Variants in KCNQ1 observed in about 807,000 individuals in gnomAD.
KCNQ1 encodes potassium voltage-gated channel subfamily Q member 1.
A neutral mutation model predicts 72.4 loss-of-function variants in KCNQ1; 49 were observed. That is an observed-to-expected ratio of 0.68 (90% CI 0.54 to 0.86). The LOEUF is 0.86. Among genes scored for constraint, KCNQ1 ranks in the 40% least tolerant of loss-of-function variants. The pLI is 0.00. For synonymous variants in KCNQ1, 450 were observed against 412.6 expected, an observed-to-expected ratio of 1.09 and a Z score of -1.10; for missense variants, 790 against 945.1, an observed-to-expected ratio of 0.84 and a Z score of 2.15.
intron 8 of KCNQ1, among the ~76,000 whole-genome samples, 179 bp downstream of exon 8, chr11:2,585,486 T>C (rs1371248936): frequency 6.6e-6 from 1 of 152,232 alleles, no homozygotes; most frequent in East Asian, 1.9e-4. Context: ...CACGGGGCAT[T>C]GGAGCCTGTC....
At chr11:2,630,347 TA>T (rs1043507545) in intron 10 of KCNQ1, 122 of 398,244 alleles carry the variant, frequency 3.1e-4, no homozygotes, top group African/African-American at 1.9e-3. Flanking sequence ...TGTATAGTCA[TA>T]AAAAAATATC....
Position 2,659,226 on chromosome 11 carries a change from C to A in KCNQ1, c.1394-2735C>A. Reference sequence around the variant, plus strand: ...GTATCATTCACAGAAGTTCCATACCCCTAAAAATACCCTGGGGTGAGTCTT... The same window carrying A: ...GTATCATTCACAGAAGTTCCATACCACTAAAAATACCCTGGGGTGAGTCTT... On this transcript the variant is annotated intron_variant, in intron 10 of 15. Transcript: ENST00000155840. This position sits in a 1 kb window ranked among gnomAD's most constrained non-coding sequence, Gnocchi z 4.3. 1 of 398,616 alleles carries A rather than the reference C, an allele frequency of 2.5e-6. No homozygotes were observed. The highest frequency in any genetic ancestry group is 1.3e-4 in the South Asian group (1 of 7,854). 24.7% of individuals were successfully genotyped at this position (398,616 alleles called of 1,614,324 possible).
At position 2,762,313 on chromosome 11, in the gene KCNQ1, C is replaced by T. The variant is rs559394334; in HGVS notation, c.1515-6531C>T. On this transcript the variant is annotated intron_variant, in intron 11 of 15. Transcript: ENST00000155840. The surrounding 1 kb of genome is among the most constrained non-coding windows in gnomAD (Gnocchi z 4.3). ...CCATCCCAGGTCGTGAAAATATTAT[C>T]CAACTTTCTTCGACAGGCCCGATTG... Among the ~76,000 whole-genome samples the T allele has an allele frequency of 2.2e-4, 33 of 152,306 alleles. No homozygotes were observed. Among genetic ancestry groups the T allele is most frequent in the African/African-American group, 7.0e-4 (29 of 41,544 alleles).
chr11:2,567,563 T>C lies in KCNQ1; in HGVS notation c.478-3065T>C, dbSNP rs1022878000. Among the ~76,000 whole-genome samples the C allele has an allele frequency of 1.3e-5, 2 of 152,212 alleles. No individual in the cohort carries two copies. The highest frequency in any genetic ancestry group is 3.8e-4 in the East Asian group (2 of 5,198). On this transcript the variant is annotated intron_variant, in intron 2 of 15. Transcript: ENST00000155840. The surrounding 1 kb of genome is among the most constrained non-coding windows in gnomAD (Gnocchi z 6.6). ...TGATGGTGGTGGAGATAGTTTTATC[T>C]CTGAGCAAACATTCCATCTTGCTGT...
At chr11:2,689,611 G>C in intron 11 of KCNQ1, 2 of 398,676 alleles carry the variant, frequency 5.0e-6, no homozygotes, top group South Asian at 2.5e-4. Flanking sequence ...AAGGATCCGG[G>C]TATTTTAGGA....
chr11:2,649,611 CA>C, intron 10 of KCNQ1: 1 of 398,564 alleles, frequency 2.5e-6, no homozygotes, highest in South Asian at 1.3e-4. Context: ...CACCTTGCAG[CA>C]CTTTTAATAT....
In KCNQ1 at chr11:2,595,859, T is replaced by C. The variant is rs138162642; in HGVS notation, c.1393+7005T>C. Among the ~76,000 whole-genome samples, 300 of 152,294 alleles carry C rather than the reference T, an allele frequency of 2.0e-3. No individual in the cohort carries two copies. The highest frequency in any genetic ancestry group is 7.0e-3 in the African/African-American group (293 of 41,562). On this transcript the variant is annotated intron_variant, in intron 10 of 15. Coordinates refer to ENST00000155840, the MANE Select transcript of KCNQ1 (RefSeq NM_000218.3). This position sits in a 1 kb window ranked among gnomAD's most constrained non-coding sequence, Gnocchi z 5.0. ...CTTTGATGAATCTGGGCAAAGTAAA[T>C]TGAAAACATTTTAGAAAATAATCAC...
intron 10 of KCNQ1, chr11:2,640,535 C>T (rs1360702436): frequency 7.6e-6 from 3 of 395,750 alleles, no homozygotes; most frequent in African/African-American, 6.3e-5. Context: ...ATCCTTCTGC[C>T]TTGGCCCCCC....
At position 2,785,078 on chromosome 11, in the gene KCNQ1, C is replaced by T. The variant is rs1186458451; in HGVS notation, c.1794+7041C>T. Among the ~76,000 whole-genome samples the T allele has an allele frequency of 6.6e-6, 1 of 152,028 alleles. No homozygotes were observed. The highest frequency in any genetic ancestry group is 6.5e-5 in the Admixed American group (1 of 15,274). Reference sequence around the variant, plus strand: ...AAAATATTGACTAGAAGTGCTAGAGCAGATCTTCTGGGGAAAATCATTCAA... The same window carrying T: ...AAAATATTGACTAGAAGTGCTAGAGTAGATCTTCTGGGGAAAATCATTCAA... On this transcript the variant is annotated intron_variant, in intron 15 of 15. Transcript: ENST00000155840. This position sits in a 1 kb window ranked among gnomAD's most constrained non-coding sequence, Gnocchi z 4.4.
intron 10 of KCNQ1, among the ~76,000 whole-genome samples, chr11:2,591,428 G>A (rs1164442560): frequency 5.9e-5 from 9 of 152,224 alleles, no homozygotes; most frequent in Non-Finnish European, 1.2e-4. Flanking sequence ...ACGTGCTCCC[G>A]CCTGCCCGCT....
intron 1 of KCNQ1, among the ~76,000 whole-genome samples, chr11:2,454,042 T>C (rs1846150053): frequency 6.6e-6 from 1 of 152,136 alleles, no homozygotes. Context: ...AGTGCTTAGA[T>C]TACAGGTATG....
chr11:2,796,555 G>T (rs1055244589), intron 15 of KCNQ1, among the ~76,000 whole-genome samples: 3 of 152,292 alleles, frequency 2.0e-5, no homozygotes, highest in South Asian at 4.1e-4. Context: ...CTCACACCCC[G>T]ACACACCCTC....
At chr11:2,788,373 A>C (rs192695982) in intron 15 of KCNQ1, among the ~76,000 whole-genome samples, 1 of 152,346 alleles carries the variant, frequency 6.6e-6, no homozygotes, top group African/African-American at 2.4e-5. Flanking sequence ...GGTGCTGCTC[A>C]GCAGACTGTG....
chr11:2,618,817 G>A, intron 10 of KCNQ1: 1 of 398,270 alleles, frequency 2.5e-6, no homozygotes, highest in Non-Finnish European at 4.4e-6. Context: ...ATGAGCATGG[G>A]ATATCTTTCC....
Position 2,772,497 on chromosome 11 carries a change from C to T in KCNQ1, c.1591-3463C>T, listed in dbSNP as rs961533606. 7.2e-5 allele frequency among the ~76,000 whole-genome samples: 11 copies of T among 152,026 alleles called. No homozygotes were observed. The highest frequency in any genetic ancestry group is 1.3e-4 in the Non-Finnish European group (9 of 68,008). On this transcript the variant is annotated intron_variant, in intron 12 of 15. Transcript: ENST00000155840. This position sits in a 1 kb window ranked among gnomAD's most constrained non-coding sequence, Gnocchi z 6.6. ...CAGAGGACCACTGGACAAAGGCCCC[C>T]GTGAGCCCTAACCGTATCCTAGCAG...
intron 15 of KCNQ1, among the ~76,000 whole-genome samples, chr11:2,806,781 C>A (rs1327460603): frequency 1.3e-5 from 2 of 152,230 alleles, no homozygotes; most frequent in Admixed American, 1.3e-4. Flanking sequence ...CACCTGACCC[C>A]TCCCCGCCCC....
At position 2,457,861 on chromosome 11, in the gene KCNQ1, C is replaced by T. The variant is rs1054990912; in HGVS notation, c.386+12377C>T. On this transcript the variant is annotated intron_variant, in intron 1 of 15. Coordinates refer to ENST00000155840, the MANE Select transcript of KCNQ1 (RefSeq NM_000218.3). This position sits in a 1 kb window ranked among gnomAD's most constrained non-coding sequence, Gnocchi z 5.0. ...AAGTTAGAAGAGGTTACGCAAAAAT[C>T]CTCCATCCCTGCATTTGAATGAGGA... Among the ~76,000 whole-genome samples the T allele has an allele frequency of 2.0e-5, 3 of 151,678 alleles. No homozygotes were observed. The highest frequency in any genetic ancestry group is 7.3e-5 in the African/African-American group (3 of 41,282).
chr11:2,768,013 C>T lies in KCNQ1; in HGVS notation c.1515-831C>T, dbSNP rs1356131748. 6.6e-6 allele frequency among the ~76,000 whole-genome samples: 1 copy of T among 152,170 alleles called. No individual in the cohort carries two copies. The highest frequency in any genetic ancestry group is 1.5e-5 in the Non-Finnish European group (1 of 68,034). ...AGGAAACGCTCGGATGCAGGCGCAG[C>T]TCAGTTCATTTCCTTTCTATGTGGG... On this transcript the variant is annotated intron_variant, in intron 11 of 15. Transcript: ENST00000155840. This position sits in a 1 kb window ranked among gnomAD's most constrained non-coding sequence, Gnocchi z 6.7.
intron 11 of KCNQ1, among the ~76,000 whole-genome samples, chr11:2,721,052 G>C (rs919655175): frequency 4.6e-5 from 7 of 152,116 alleles, no homozygotes. Context: ...TGCAAGAAAG[G>C]GTATTTGTTT....
Sources: gnomAD v4.1 joint callset for allele counts (sites outside exome capture counted in the v4.1 genomes callset) on GRCh38, gnomAD v4.1.1 for gene constraint, Gnocchi (gnomAD v3.1) non-coding constraint, MANE v1.5 for transcripts, NCBI Gene and HGNC (gene_info 2026-07-23, HGNC 2026-07-21) for gene names.